Variants in LDLRAD3 observed in about 807,000 individuals in gnomAD.
LDLRAD3 encodes the protein low-density lipoprotein receptor class A domain-containing protein 3.
Under a neutral mutation model 29.4 loss-of-function variants are expected in LDLRAD3, and 20 were observed. The observed-to-expected ratio is 0.68, with a 90% confidence interval of 0.48 to 0.99. The LOEUF (loss-of-function observed/expected upper bound fraction) is 0.99, where lower values mean the gene tolerates loss of function less well. LDLRAD3 is among the 50% of genes least tolerant of loss of function. The pLI, the probability that LDLRAD3 is intolerant of heterozygous loss-of-function variation, is 0.00. For missense variants in LDLRAD3, 420 were observed against 454.3 expected, an observed-to-expected ratio of 0.92 and a Z score of 0.69; for synonymous variants, 157 against 192.7, an observed-to-expected ratio of 0.81 and a Z score of 1.53.
At chr11:36,100,141 C>T (rs1385219621) in intron 4 of LDLRAD3, among the ~76,000 whole-genome samples, 2 of 152,114 alleles carry the variant, frequency 1.3e-5, no homozygotes, top group Non-Finnish European at 1.5e-5. Flanking sequence ...TGGGCCCAGC[C>T]ATCGGCGTTT....
At chr11:36,062,132 A>C (rs1202878020) in intron 2 of LDLRAD3, among the ~76,000 whole-genome samples, 1 of 152,184 alleles carries the variant, frequency 6.6e-6, no homozygotes, top group Admixed American at 6.5e-5. Context: ...TAACTTGTCC[A>C]AGGTCACGGT....
intron 4 of LDLRAD3, among the ~76,000 whole-genome samples, chr11:36,175,664 C>CT (rs1247819729): frequency 3.3e-5 from 5 of 152,094 alleles, no homozygotes; most frequent in Non-Finnish European, 7.4e-5. Flanking sequence ...CTGCTTTGGT[C>CT]TGAGAGAATC....
At chr11:36,038,877 C>G (rs1250633539) in intron 2 of LDLRAD3, among the ~76,000 whole-genome samples, 1 of 151,994 alleles carries the variant, frequency 6.6e-6, no homozygotes, top group Admixed American at 6.6e-5. Context: ...GTCTTTAAAT[C>G]GTGAAAACAG....
At chr11:35,953,619 A>G (rs1851165194) in intron 1 of LDLRAD3, among the ~76,000 whole-genome samples, 1 of 152,208 alleles carries the variant, frequency 6.6e-6, no homozygotes, top group Non-Finnish European at 1.5e-5. Flanking sequence ...ACATGGCTGA[A>G]AAATGAGCCC....
At chr11:36,138,435 G>C (rs2133312450) in intron 4 of LDLRAD3, among the ~76,000 whole-genome samples, 1 of 152,242 alleles carries the variant, frequency 6.6e-6, no homozygotes, top group South Asian at 2.1e-4. Flanking sequence ...CCCAAAGTAA[G>C]GTCTTGACAA....
At chr11:36,110,460 G>A (rs1853590104) in intron 4 of LDLRAD3, among the ~76,000 whole-genome samples, 1 of 152,162 alleles carries the variant, frequency 6.6e-6, no homozygotes, top group Non-Finnish European at 1.5e-5. Flanking sequence ...TCAGGGATCA[G>A]GGGTAGGGCT....
At chr11:35,946,782 T>C (rs986373798) in intron 1 of LDLRAD3, among the ~76,000 whole-genome samples, 1 of 152,176 alleles carries the variant, frequency 6.6e-6, no homozygotes. Context: ...TGACCTTTTC[T>C]CCTGGAAAGA....
At chr11:36,178,224 T>C (rs1040853939) in intron 4 of LDLRAD3, among the ~76,000 whole-genome samples, 1 of 152,212 alleles carries the variant, frequency 6.6e-6, no homozygotes, top group African/African-American at 2.4e-5. Context: ...AGTCTCATCC[T>C]GCAGAAGCCC....
At chr11:36,077,773 C>T (rs1408907593) in intron 2 of LDLRAD3, among the ~76,000 whole-genome samples, 1 of 152,202 alleles carries the variant, frequency 6.6e-6, no homozygotes, top group African/African-American at 2.4e-5. Context: ...TAGGTCTGGG[C>T]TCCCCAAAGG....
At chr11:36,088,146 C>T (rs992169731) in intron 3 of LDLRAD3, among the ~76,000 whole-genome samples, 5 of 152,162 alleles carry the variant, frequency 3.3e-5, no homozygotes, top group Non-Finnish European at 5.9e-5. Flanking sequence ...TGAGCCACCC[C>T]ACCCAGCCCC....
chr11:36,149,578 G>T (rs11824695), intron 4 of LDLRAD3, among the ~76,000 whole-genome samples: 5,670 of 152,292 alleles, frequency 0.037, 342 homozygotes, highest in African/African-American at 0.13. Context: ...GTTTGAATCT[G>T]TTCGCTGCTC....
At chr11:36,031,001 AT>A (rs1852228875) in intron 1 of LDLRAD3, among the ~76,000 whole-genome samples, 1 of 152,080 alleles carries the variant, frequency 6.6e-6, no homozygotes, top group African/African-American at 2.4e-5. Context: ...TCAAATATAA[AT>A]TTGTGGGAGC....
At chr11:35,983,124 G>A (rs1851564151) in intron 1 of LDLRAD3, among the ~76,000 whole-genome samples, 1 of 152,134 alleles carries the variant, frequency 6.6e-6, no homozygotes, top group Non-Finnish European at 1.5e-5. Flanking sequence ...AAGGTGTTGG[G>A]ATTACAGGCG....
At chr11:36,128,503 G>A (rs1853875732) in intron 4 of LDLRAD3, among the ~76,000 whole-genome samples, 1 of 152,120 alleles carries the variant, frequency 6.6e-6, no homozygotes, top group African/African-American at 2.4e-5. Flanking sequence ...ACTTTATCTC[G>A]AGAGCAGTGG....
chr11:35,985,037 A>G (rs1430837427), intron 1 of LDLRAD3, among the ~76,000 whole-genome samples: 6 of 137,498 alleles, frequency 4.4e-5, no homozygotes, highest in Non-Finnish European at 6.2e-5. Context: ...CGATTCTCCC[A>G]CCTCAGCCTC....
At chr11:35,955,898 T>C (rs1210460942) in intron 1 of LDLRAD3, among the ~76,000 whole-genome samples, 1 of 152,228 alleles carries the variant, frequency 6.6e-6, no homozygotes, top group Non-Finnish European at 1.5e-5. Context: ...ACTGACCAGT[T>C]CCTTGGGGAG....
At chr11:36,017,625 T>C (rs1590208519) in intron 1 of LDLRAD3, among the ~76,000 whole-genome samples, 1 of 151,724 alleles carries the variant, frequency 6.6e-6, no homozygotes, top group East Asian at 1.9e-4. Flanking sequence ...ACCTCCCAGA[T>C]TCAAGCAATT....
chr11:36,159,039 C>G (rs563582050), intron 4 of LDLRAD3, among the ~76,000 whole-genome samples: 1 of 152,096 alleles, frequency 6.6e-6, no homozygotes, highest in Non-Finnish European at 1.5e-5. Flanking sequence ...TAATTTTGTA[C>G]GTGTTGGCTG....
intron 1 of LDLRAD3, among the ~76,000 whole-genome samples, chr11:36,016,608 A>T (rs545597875): frequency 1.3e-5 from 2 of 152,176 alleles, no homozygotes; most frequent in South Asian, 4.1e-4. Flanking sequence ...CTATGGTGAC[A>T]CTTTAAGCAA....
Sources: allele counts gnomAD v4.1 joint callset (sites outside exome capture counted in the v4.1 genomes callset), GRCh38; gene constraint gnomAD v4.1.1; transcripts MANE v1.5; gene names NCBI Gene and HGNC (gene_info 2026-07-23, HGNC 2026-07-21).